The following SLC25A25 variants were observed in gnomAD, a reference collection of about 807,000 sequenced individuals.
The protein encoded by SLC25A25 is solute carrier family 25 member 25.
SLC25A25 carries 32 observed loss-of-function variants against 57.7 expected under a neutral mutation model. That is an observed-to-expected ratio of 0.55 (90% CI 0.42 to 0.74). The LOEUF (loss-of-function observed/expected upper bound fraction) is 0.74. SLC25A25 is among the 30% of genes least tolerant of loss of function. The pLI, the probability that SLC25A25 is intolerant of heterozygous loss-of-function variation, is 0.00. For missense variants in SLC25A25, 556 were observed against 701.3 expected, an observed-to-expected ratio of 0.79 and a Z score of 2.34; for synonymous variants, 306 against 291.2, an observed-to-expected ratio of 1.05 and a Z score of -0.52.
At chr9:128,098,745 G>A (rs768781803) in intron 1 of SLC25A25, 55 of 1,612,350 alleles carry the variant, frequency 3.4e-5, no homozygotes, top group East Asian at 8.9e-5. Context: ...GTGACCGCGC[G>A]GAAGGGAGAG....
At position 128,103,890 on chromosome 9, in the gene SLC25A25, G is replaced by T; in HGVS notation, c.783+51G>T. The stretch of plus-strand genomic sequence containing the variant: ...CCTGGGGGGCCAGTTTCCACCTGGG[G>T]GATGCTGCTTGGCTAGTTTTCCCTT... On this transcript the variant is annotated intron_variant, in intron 6 of 10. Coordinates refer to ENST00000373069, the MANE Select transcript of SLC25A25 (RefSeq NM_001330988.2). The surrounding 1 kb of genome is among the most constrained non-coding windows in gnomAD (Gnocchi z 6.7). The T allele has an allele frequency of 6.7e-7, 1 of 1,483,640 alleles. No individual in the cohort carries two copies. The allele number at this position is 1,483,640 out of a possible 1,614,324, so 91.9% of individuals were successfully genotyped here. A position where few individuals can be genotyped will look rare whatever the true frequency, so the allele number is the denominator to read the frequency against.
rs1295097455 is a variant in SLC25A25 at position 128,102,313 on chromosome 9, G to C, written c.513-57G>C. 2.6e-6 allele frequency: 4 copies of C among 1,513,848 alleles called. No homozygotes were observed. In the African/African-American group the frequency reaches 5.5e-5, roughly 21 times the overall value. The allele number at this position is 1,513,848 out of a possible 1,614,324, so 93.8% of individuals were successfully genotyped here. ...CCCTTGGCTCACTGGGAGGTGGGGG[G>C]ATGCAGCTGGCGGATGGGCATGTGG... On this transcript the variant is annotated intron_variant, in intron 4 of 10. Coordinates refer to ENST00000373069, the MANE Select transcript of SLC25A25 (RefSeq NM_001330988.2). The surrounding 1 kb of genome is among the most constrained non-coding windows in gnomAD (Gnocchi z 4.1).
intron 1 of SLC25A25, among the ~76,000 whole-genome samples, chr9:128,093,689 A>C (rs1833476945): frequency 6.6e-6 from 1 of 152,250 alleles, no homozygotes; most frequent in South Asian, 2.1e-4. Flanking sequence ...ATAGACTCTC[A>C]AAGCAGATAG....
At position 128,105,790 on chromosome 9, in the gene SLC25A25, A is replaced by G. The variant is rs761079227; in HGVS notation, c.845A>G (p.Glu282Gly). 3 of 1,614,100 alleles carry G rather than the reference A, an allele frequency of 1.9e-6. No homozygotes were observed. The highest frequency in any genetic ancestry group is 1.3e-5 in the African/African-American group (1 of 75,050). Reference protein sequence around the residue: ...IVGGFTQMIREGGARSLWRGN... With the variant: ...IVGGFTQMIRGGGARSLWRGN... ...GGTGGCTTCACTCAGATGATTCGAG[A>G]AGGAGGGGCCAGGTCACTCTGGCGG... Residue 282 changes from glutamate to glycine, a missense_variant, in exon 7 of 11, where the codon GAA (glutamate) becomes GGA (glycine). Physicochemically the swap from Glu to Gly is moderately conservative, Grantham distance 98. Around this residue, in one of 3 missense-constraint regions of SLC25A25, gnomAD observed 294 missense variants for 389.6 expected, o/e 0.75. Coordinates refer to ENST00000373069, the MANE Select transcript of SLC25A25 (RefSeq NM_001330988.2).
chr9:128,079,131 A>G (rs1833081828), intron 1 of SLC25A25, among the ~76,000 whole-genome samples: 1 of 152,104 alleles, frequency 6.6e-6, no homozygotes, highest in South Asian at 2.1e-4. Context: ...CTTCTTATCT[A>G]CTTTAAGCTC....
At position 128,101,472 on chromosome 9, in the gene SLC25A25, A is replaced by G. The variant is rs574508178; in HGVS notation, c.476+76A>G. 119 of 1,519,468 alleles carry G rather than the reference A, an allele frequency of 7.8e-5. No homozygotes were observed. Among genetic ancestry groups the G allele is most frequent in the Middle Eastern group, 6.6e-4 (3 of 4,524 alleles). 94.1% of individuals were successfully genotyped at this position (1,519,468 alleles called of 1,614,324 possible). ...GCTCTGAGACTAACCCTCCGATGCC[A>G]TTCCCTGGGCTGACCCTGAACTTGG... On this transcript the variant is annotated intron_variant, in intron 3 of 10. Coordinates refer to ENST00000373069, the MANE Select transcript of SLC25A25 (RefSeq NM_001330988.2). This position sits in a 1 kb window ranked among gnomAD's most constrained non-coding sequence, Gnocchi z 4.9.
intron 1 of SLC25A25, among the ~76,000 whole-genome samples, chr9:128,072,770 ACT>A (rs1832935205): frequency 6.6e-6 from 1 of 152,172 alleles, no homozygotes; most frequent in African/African-American, 2.4e-5. Context: ...GGGAGATGAG[ACT>A]CAGCCAGAGC....
intron 1 of SLC25A25, among the ~76,000 whole-genome samples, chr9:128,092,578 G>A (rs1833440708): frequency 6.6e-6 from 1 of 152,110 alleles, no homozygotes; most frequent in Non-Finnish European, 1.5e-5. Context: ...GAAGAGTGAA[G>A]GCATGAGACT....
intron 1 of SLC25A25, among the ~76,000 whole-genome samples, chr9:128,088,029 A>G (rs1261176929): frequency 1.3e-5 from 2 of 152,168 alleles, no homozygotes; most frequent in African/African-American, 4.8e-5. Flanking sequence ...TGTCCTCATT[A>G]TGGGTCACCT....
At position 128,106,195 on chromosome 9, in the gene SLC25A25, G is replaced by A. The variant is rs575643847; in HGVS notation, c.982G>A (p.Glu328Lys). The A allele has an allele frequency of 8.7e-6, 14 of 1,614,232 alleles. No individual in the cohort carries two copies. The highest frequency in any genetic ancestry group is 8.0e-5 in the African/African-American group (6 of 75,080). The change falls in exon 8 of 11, where the codon GAG (glutamate) becomes AAG (lysine). Residue 328 changes from glutamate to lysine, a missense_variant. Around this residue, in one of 3 missense-constraint regions of SLC25A25, gnomAD observed 294 missense variants for 389.6 expected, o/e 0.75. Coordinates refer to ENST00000373069, the MANE Select transcript of SLC25A25 (RefSeq NM_001330988.2). ...GSDQETLRIHERLVAGSLAGA... is the reference protein window; with the variant it reads ...GSDQETLRIHKRLVAGSLAGA... ...TGACCAGGAGACTCTGAGGATTCAC[G>A]AGAGGCTTGTGGCAGGGTCCTTGGC...
intron 1 of SLC25A25, among the ~76,000 whole-genome samples, chr9:128,069,669 A>G (rs1194535824): frequency 6.6e-6 from 1 of 152,138 alleles, no homozygotes; most frequent in African/African-American, 2.4e-5. Context: ...TTTAGCGCTA[A>G]CTATTAGGAT....
At chr9:128,098,498 G>C in intron 1 of SLC25A25, 1 of 1,545,044 alleles carries the variant, frequency 6.5e-7, no homozygotes, top group Non-Finnish European at 8.8e-7. Flanking sequence ...CAAGTTTCCC[G>C]GGACCGGCAG....
Position 128,068,556 on chromosome 9 carries a change from GC to G in SLC25A25, c.238del (p.His80ThrfsTer22). 1 of 1,432,906 alleles carries G rather than the reference GC, an allele frequency of 7.0e-7. No individual in the cohort carries two copies. The highest frequency in any genetic ancestry group is 9.1e-7 in the Non-Finnish European group (1 of 1,097,488). 88.8% of individuals were successfully genotyped at this position (1,432,906 alleles called of 1,614,324 possible). A position where few individuals can be genotyped will look rare whatever the true frequency, so the allele number is the denominator to read the frequency against. On this transcript the variant is annotated frameshift_variant, in exon 1 of 11. Coordinates refer to ENST00000373069, the MANE Select transcript of SLC25A25 (RefSeq NM_001330988.2). LOFTEE classifies it high-confidence loss of function. ...CGGTGGGGCTGCGGCGCCTGGGACT[GC>G]ACCGCACCGAGGGCGAGCTCCAGGT... ...LAVGLRRLGL[H>X]RTEGELQKIV... is the part of the protein sequence containing the mutation.
chr9:128,102,074 T>C lies in SLC25A25; in HGVS notation c.477-6T>C. On this transcript the variant is annotated splice_region_variant and splice_polypyrimidine_tract_variant and intron_variant, in intron 3 of 10. Transcript: ENST00000373069. The surrounding 1 kb of genome is among the most constrained non-coding windows in gnomAD (Gnocchi z 4.1). Reference sequence around the variant, plus strand: ...CTCTCCTCCGCATCCTTTGTCTGTCTGTCAGAATACGAACGGGCCATTTCT... The same window carrying C: ...CTCTCCTCCGCATCCTTTGTCTGTCCGTCAGAATACGAACGGGCCATTTCT... The C allele has an allele frequency of 6.4e-7, 1 of 1,550,608 alleles. No individual in the cohort carries two copies. The highest frequency in any genetic ancestry group is 8.7e-7 in the Non-Finnish European group (1 of 1,146,978).
At chr9:128,087,805 A>G (rs1440318169) in intron 1 of SLC25A25, among the ~76,000 whole-genome samples, 2 of 152,190 alleles carry the variant, frequency 1.3e-5, no homozygotes, top group Non-Finnish European at 2.9e-5. Context: ...TTTCTTCTGC[A>G]GTGTCTGATC....
At chr9:128,097,149 A>G (rs1833583870) in intron 1 of SLC25A25, among the ~76,000 whole-genome samples, 1 of 152,208 alleles carries the variant, frequency 6.6e-6, no homozygotes, top group African/African-American at 2.4e-5. Flanking sequence ...CGGTAGTGGG[A>G]AGATATAGTC....
chr9:128,083,396 T>C (rs1833199339), intron 1 of SLC25A25, among the ~76,000 whole-genome samples: 1 of 152,116 alleles, frequency 6.6e-6, no homozygotes, highest in Non-Finnish European at 1.5e-5. Flanking sequence ...ATCAGCCTAA[T>C]CATTCTGACT....
intron 9 of SLC25A25, among the ~76,000 whole-genome samples, 197 bp downstream of exon 9, chr9:128,106,717 C>G (rs976763202): frequency 6.6e-6 from 1 of 152,178 alleles, no homozygotes; most frequent in Non-Finnish European, 1.5e-5. Context: ...GAGCCCTGCA[C>G]CCAGGCTCTG....
chr9:128,083,911 C>T (rs1364446615), intron 1 of SLC25A25, among the ~76,000 whole-genome samples: 2 of 152,120 alleles, frequency 1.3e-5, no homozygotes, highest in Non-Finnish European at 2.9e-5. Flanking sequence ...CCTGAGAACT[C>T]GCTTTCTGCG....
Sources: allele counts gnomAD v4.1 joint callset (sites outside exome capture counted in the v4.1 genomes callset), GRCh38; gene constraint gnomAD v4.1.1; regional missense constraint gnomAD v4.1.1; non-coding constraint Gnocchi (gnomAD v3.1); transcripts MANE v1.5; gene names NCBI Gene and HGNC (gene_info 2026-07-23, HGNC 2026-07-21).